Variants in NSF observed in about 807,000 individuals in gnomAD.
NSF encodes the protein N-ethylmaleimide sensitive factor, vesicle fusing ATPase, also known as vesicle-fusing ATPase.
Under a neutral mutation model 50.3 loss-of-function variants are expected in NSF, and 14 were observed. The observed-to-expected ratio is 0.28, with a 90% CI of 0.18 to 0.44. The LOEUF (loss-of-function observed/expected upper bound fraction) is 0.44, where lower values mean the gene tolerates loss of function less well. NSF is among the 20% of genes least tolerant of loss of function. The pLI is 1.00. For missense variants in NSF, 218 were observed against 504.3 expected (o/e 0.43, Z 5.44); for synonymous variants, 109 against 175.7 (o/e 0.62, Z 3.00).
At chr17:46,729,217 A>G (rs940050065) in intron 17 of NSF, among the ~76,000 whole-genome samples, 2 of 152,288 alleles carry the variant, frequency 1.3e-5, no homozygotes, top group Middle Eastern at 3.4e-3. Context: ...ACCATATTAC[A>G]TATCCCTACT....
rs1568065100 is a variant in NSF at position 46,755,375 on chromosome 17, T to C, written c.2213+6T>C. On this transcript the variant is annotated splice_donor_region_variant and intron_variant, in intron 20 of 20. Coordinates refer to ENST00000398238, the MANE Select transcript of NSF (RefSeq NM_006178.4). Reference sequence around the variant, plus strand: ...CTCTTAAGAGAAGAAGGAGCGTAAGTACATACAACATTTAATGACCATCAA... The same window carrying C: ...CTCTTAAGAGAAGAAGGAGCGTAAGCACATACAACATTTAATGACCATCAA... The C allele has an allele frequency of 6.2e-7, 1 of 1,610,648 alleles. No individual in the cohort carries two copies. The highest frequency in any genetic ancestry group is 2.2e-5 in the East Asian group (1 of 44,880).
At chr17:46,753,150 TGTGTTACTAG>T (rs1019910485) in intron 19 of NSF, among the ~76,000 whole-genome samples, 5 of 152,212 alleles carry the variant, frequency 3.3e-5, no homozygotes, top group South Asian at 2.1e-4. Context: ...CTAGGCATCA[TGTGTTACTAG>T]GTGTTACTAG....
intron 17 of NSF, among the ~76,000 whole-genome samples, chr17:46,733,452 G>A (rs997066470): frequency 6.6e-6 from 1 of 152,076 alleles, no homozygotes; most frequent in East Asian, 1.9e-4. Context: ...GAGTAGTTAA[G>A]CCTATTAACC....
At chr17:46,754,281 G>C (rs2059212454) in intron 19 of NSF, among the ~76,000 whole-genome samples, 1 of 147,252 alleles carries the variant, frequency 6.8e-6, no homozygotes, top group African/African-American at 2.5e-5. Flanking sequence ...TCTTACCTTT[G>C]ATACATTTGA....
chr17:46,688,265 C>CT (rs2058511687), intron 9 of NSF, among the ~76,000 whole-genome samples: 1 of 151,080 alleles, frequency 6.6e-6, no homozygotes, highest in Non-Finnish European at 1.5e-5. Context: ...AATCCTAGCA[C>CT]TTTGGGAAGC....
chr17:46,738,122 C>G (rs2059028977), intron 17 of NSF, among the ~76,000 whole-genome samples: 1 of 151,884 alleles, frequency 6.6e-6, no homozygotes, highest in Non-Finnish European at 1.5e-5. Context: ...TTTGTATAGA[C>G]AGGGTTTTGC....
At chr17:46,675,933 A>G (rs1389940122) in intron 9 of NSF, among the ~76,000 whole-genome samples, 4 of 132,988 alleles carry the variant, frequency 3.0e-5, no homozygotes, top group Non-Finnish European at 6.1e-5. Flanking sequence ...TTTTAAATGC[A>G]TAATTGAGCT....
chr17:46,671,814 A>T lies in NSF; in HGVS notation c.746-2600A>T, dbSNP rs2058372545. On this transcript the variant is annotated intron_variant, in intron 8 of 20. Transcript: ENST00000398238. The stretch of plus-strand genomic sequence containing the variant: ...AATTTGAGCATTTTCTGTGTACAGA[A>T]GCATAGTTGCAAAGTTAAGATTCTT... Among the ~76,000 whole-genome samples the T allele has an allele frequency of 2.2e-5, 3 of 137,464 alleles. No homozygotes were observed. The Admixed American group carries it at 2.2e-4, about 10-fold the overall frequency. 90.2% of individuals were successfully genotyped at this position (137,464 alleles called of 152,430 possible). A position where few individuals can be genotyped will look rare whatever the true frequency, so the allele number is the denominator to read the frequency against.
intron 17 of NSF, among the ~76,000 whole-genome samples, chr17:46,739,746 AG>A (rs1383068390): frequency 6.7e-6 from 1 of 150,066 alleles, no homozygotes; most frequent in East Asian, 2.0e-4. Flanking sequence ...TTTTTTTTCC[AG>A]GAGTGCAGTG....
At chr17:46,737,063 T>C (rs2059013480) in intron 17 of NSF, among the ~76,000 whole-genome samples, 1 of 152,242 alleles carries the variant, frequency 6.6e-6, no homozygotes, top group Non-Finnish European at 1.5e-5. Flanking sequence ...AAAACATTTC[T>C]TTAAGGAACA....
intron 15 of NSF, among the ~76,000 whole-genome samples, chr17:46,714,384 A>G (rs2058748302): frequency 1.3e-5 from 2 of 152,232 alleles, no homozygotes; most frequent in African/African-American, 4.8e-5. Flanking sequence ...ACAGAGATGT[A>G]TCAATGGGAA....
At chr17:46,726,299 C>A (rs1420125633) in intron 15 of NSF, among the ~76,000 whole-genome samples, 8 of 152,188 alleles carry the variant, frequency 5.3e-5, no homozygotes, top group Non-Finnish European at 8.8e-5. Context: ...TGGGATGTGT[C>A]AGTTGATTAA....
intron 16 of NSF, 129 bp downstream of exon 16, chr17:46,726,744 G>A: frequency 1.2e-6 from 1 of 836,492 alleles, no homozygotes; most frequent in Admixed American, 1.9e-5. Context: ...TGTCTTACAA[G>A]GAAATATAAT....
At chr17:46,630,254 CT>C (rs2058119321) in intron 3 of NSF, among the ~76,000 whole-genome samples, 156 bp from the exon 4 acceptor site, 1 of 36,164 alleles carries the variant, frequency 2.8e-5, no homozygotes, top group Admixed American at 3.5e-4. Context: ...GGGGCTAAGA[CT>C]TCAACATACT....
intron 15 of NSF, chr17:46,721,829 T>A (rs1489816585): frequency 6.3e-7 from 1 of 1,596,886 alleles, no homozygotes; most frequent in Admixed American, 1.7e-5. Flanking sequence ...ACACTTTTGC[T>A]TATTTTTTGT....
At chr17:46,704,636 C>T in intron 12 of NSF, 123 bp from the exon 13 acceptor site, 6 of 1,160,934 alleles carry the variant, frequency 5.2e-6, no homozygotes, top group Non-Finnish European at 7.0e-6. Context: ...GCAAATATTT[C>T]AGATTTTTTT....
intron 17 of NSF, among the ~76,000 whole-genome samples, chr17:46,736,768 T>G (rs1253846223): frequency 2.0e-5 from 3 of 152,248 alleles, no homozygotes; most frequent in African/African-American, 7.2e-5. Flanking sequence ...GTATAATATA[T>G]TTTTAACCTT....
At chr17:46,751,220 C>T (rs763106443) in intron 18 of NSF, among the ~76,000 whole-genome samples, 1 of 151,050 alleles carries the variant, frequency 6.6e-6, no homozygotes, top group African/African-American at 2.4e-5. Context: ...AAAATTTTAA[C>T]TTATATTTAT....
intron 17 of NSF, among the ~76,000 whole-genome samples, chr17:46,736,577 A>C (rs1317055549): frequency 6.6e-6 from 1 of 152,176 alleles, no homozygotes; most frequent in Non-Finnish European, 1.5e-5. Context: ...TGTACTTTAT[A>C]GATTTTCTAC....
Sources: gnomAD v4.1 joint callset for allele counts (sites outside exome capture counted in the v4.1 genomes callset) on GRCh38, gnomAD v4.1.1 for gene constraint, MANE v1.5 for transcripts, NCBI Gene and HGNC (gene_info 2026-07-23, HGNC 2026-07-21) for gene names.